The following TMEM183A variants were observed in gnomAD, a reference collection of about 807,000 sequenced individuals.
TMEM183A encodes chromosome 1 open reading frame 37.
A neutral mutation model predicts 46.7 loss-of-function variants in TMEM183A; 21 were observed. The observed-to-expected ratio is 0.45, with a 90% confidence interval of 0.32 to 0.65. The LOEUF (loss-of-function observed/expected upper bound fraction) is 0.65, where lower values mean the gene tolerates loss of function less well. TMEM183A is among the 30% of genes least tolerant of loss of function. The probability of loss-of-function intolerance (pLI) is 0.04; values close to 1 mark genes in which losing one functional copy is unlikely to be tolerated. For missense variants in TMEM183A, 331 were observed against 481.9 expected (o/e 0.69, Z 2.93); for synonymous variants, 165 against 180.2 (o/e 0.92, Z 0.68).
intron 7 of TMEM183A, among the ~76,000 whole-genome samples, chr1:203,021,995 T>C (rs1458091201): frequency 6.6e-6 from 1 of 152,236 alleles, no homozygotes; most frequent in Non-Finnish European, 1.5e-5. Flanking sequence ...TCTCTTAATG[T>C]GTCTGTTAAT....
In TMEM183A at chr1:203,024,653, A is replaced by C. The variant is rs1016445621; in HGVS notation, c.*1613A>C. Reference sequence around the variant, plus strand: ...AATTTGGGCATTTGAGTGATAACAGACAACCTAAGGACAATGAGCACTTTG... The same window carrying C: ...AATTTGGGCATTTGAGTGATAACAGCCAACCTAAGGACAATGAGCACTTTG... On this transcript the variant is annotated 3_prime_UTR_variant, in exon 8 of 8. Coordinates refer to ENST00000367242, the MANE Select transcript of TMEM183A (RefSeq NM_138391.6). The C allele has an allele frequency of 2.6e-5, 4 of 152,176 alleles. No individual in the cohort carries two copies. Among genetic ancestry groups the C allele is most frequent in the Non-Finnish European group, 5.9e-5 (4 of 68,042 alleles). 9.4% of individuals were successfully genotyped at this position (152,176 alleles called of 1,614,324 possible).
intron 3 of TMEM183A, among the ~76,000 whole-genome samples, chr1:203,012,148 T>TCCATCA (rs1553249434): frequency 1.3e-5 from 1 of 79,400 alleles, no homozygotes; most frequent in African/African-American, 5.0e-5. Flanking sequence ...CCCCACTCCA[T>TCCATCA]CACACACACA....
intron 6 of TMEM183A, among the ~76,000 whole-genome samples, chr1:203,019,416 T>G (rs962910675): frequency 1.3e-5 from 2 of 152,180 alleles, no homozygotes; most frequent in African/African-American, 2.4e-5. Flanking sequence ...GAAATCAGAA[T>G]GTGCTATGGA....
chr1:203,009,437 T>G (rs1195556932), intron 3 of TMEM183A, among the ~76,000 whole-genome samples: 2 of 152,234 alleles, frequency 1.3e-5, no homozygotes, highest in Non-Finnish European at 2.9e-5. Context: ...GGGTTTTCCT[T>G]CAGACTTAAT....
chr1:203,010,376 T>C (rs1386604919), intron 3 of TMEM183A, among the ~76,000 whole-genome samples: 1 of 152,198 alleles, frequency 6.6e-6, no homozygotes, highest in Non-Finnish European at 1.5e-5. Flanking sequence ...ATTCCAAATC[T>C]GAAAAGCTCC....
chr1:203,016,177 C>T (rs1167949422), intron 5 of TMEM183A, 37 bp downstream of exon 5: 1 of 1,613,296 alleles, frequency 6.2e-7, no homozygotes, highest in Non-Finnish European at 8.5e-7. Context: ...GACTAATGAA[C>T]TCTTGTATGG....
chr1:203,009,094 A>G (rs1656298902), intron 3 of TMEM183A, among the ~76,000 whole-genome samples: 4 of 152,198 alleles, frequency 2.6e-5, no homozygotes, highest in Admixed American at 2.6e-4. Flanking sequence ...ACATGTTATT[A>G]TCAGGTAAAA....
intron 3 of TMEM183A, among the ~76,000 whole-genome samples, chr1:203,010,628 C>A (rs1472891403): frequency 6.6e-6 from 1 of 152,210 alleles, no homozygotes; most frequent in Non-Finnish European, 1.5e-5. Context: ...GAAATCGCTA[C>A]TTATCACCAT....
intron 3 of TMEM183A, among the ~76,000 whole-genome samples, chr1:203,012,235 T>TCACACACACA (rs56743654): frequency 0.038 from 3,104 of 80,798 alleles, 277 homozygotes; most frequent in South Asian, 0.049. Context: ...CCCCACTCCA[T>TCACACACACA]CACACACACA....
At chr1:203,018,633 C>A in intron 6 of TMEM183A, 72 bp downstream of exon 6, 1 of 1,515,992 alleles carries the variant, frequency 6.6e-7, no homozygotes, top group Non-Finnish European at 9.1e-7. Flanking sequence ...CTTTCTTAGT[C>A]TGTTTGTGTT....
At chr1:203,017,198 C>T (rs969922528) in intron 5 of TMEM183A, among the ~76,000 whole-genome samples, 1 of 152,034 alleles carries the variant, frequency 6.6e-6, no homozygotes, top group Non-Finnish European at 1.5e-5. Flanking sequence ...TTTCACCCAG[C>T]AGCTGCTTCT....
At chr1:203,015,861 G>A in intron 4 of TMEM183A, 99 bp from the exon 5 acceptor site, 1 of 1,455,528 alleles carries the variant, frequency 6.9e-7, no homozygotes, top group South Asian at 1.3e-5. Context: ...CAGTGGAATA[G>A]TGCAGTAAAG....
Position 203,023,086 on chromosome 1 carries a change from A to T in TMEM183A, c.*46A>T. ...GGGGCAGCCTCGAGTGTAGTCCATT[A>T]GTAATCAGATTCCAGTTTGGACAGG... is the stretch of plus-strand genomic sequence containing the variant. On this transcript the variant is annotated 3_prime_UTR_variant, in exon 8 of 8. Coordinates refer to ENST00000367242, the MANE Select transcript of TMEM183A (RefSeq NM_138391.6). 3.5e-6 allele frequency: 4 copies of T among 1,136,410 alleles called. No homozygotes were observed. Among genetic ancestry groups the T allele is most frequent in the Non-Finnish European group, 5.0e-6 (4 of 800,896 alleles). The allele number at this position is 1,136,410 out of a possible 1,614,324, so 70.4% of individuals were successfully genotyped here.
intron 5 of TMEM183A, among the ~76,000 whole-genome samples, chr1:203,016,762 C>T (rs1657203342): frequency 6.6e-6 from 1 of 152,084 alleles, no homozygotes; most frequent in African/African-American, 2.4e-5. Flanking sequence ...TCAGGATTTC[C>T]CTGATATTTT....
intron 3 of TMEM183A, among the ~76,000 whole-genome samples, chr1:203,012,752 C>T (rs1394276828): frequency 1.3e-5 from 2 of 152,138 alleles, no homozygotes; most frequent in Admixed American, 6.5e-5. Context: ...TGTTTTGAGA[C>T]AGGGACTCAC....
chr1:203,016,055 A>G lies in TMEM183A; in HGVS notation c.623A>G (p.Tyr208Cys). Residue 208 changes from tyrosine (Y) to cysteine (C), a missense_variant, in exon 5 of 8, where the codon TAC (tyrosine) becomes TGC (cysteine). Coordinates refer to ENST00000367242, the MANE Select transcript of TMEM183A (RefSeq NM_138391.6). ...CGGGCTTGTGTGATCCGATCTCTGTACCATATGTATGAGCCATTTGCTGCT... is the reference window on the plus strand; with the variant it reads ...CGGGCTTGTGTGATCCGATCTCTGTGCCATATGTATGAGCCATTTGCTGCT... ...CLRACVIRSL[Y>C]HMYEPFAARI... is the part of the protein sequence containing the mutation. 3.1e-6 allele frequency: 5 copies of G among 1,614,156 alleles called. No homozygotes were observed. The highest frequency in any genetic ancestry group is 4.2e-6 in the Non-Finnish European group (5 of 1,179,996).
chr1:203,020,295 G>GA lies in TMEM183A; in HGVS notation c.790-497dup, dbSNP rs1571622955. ...GTCCACCTTTCTGAGAAGGGATTGA[G>GA]AGGCAGTCTTAGTGGTGAAATGTGA... On this transcript the variant is annotated intron_variant, in intron 6 of 7. Transcript: ENST00000367242. Among the ~76,000 whole-genome samples, 3 of 152,300 alleles carry GA rather than the reference G, an allele frequency of 2.0e-5. No individual in the cohort carries two copies. The East Asian group carries it at 5.8e-4, about 29-fold the overall frequency.
Position 203,023,080 on chromosome 1 carries a change from T to C in TMEM183A, c.*40T>C. ...CCCTTGGGGGCAGCCTCGAGTGTAGTCCATTAGTAATCAGATTCCAGTTTG... is the reference window on the plus strand; with the variant it reads ...CCCTTGGGGGCAGCCTCGAGTGTAGCCCATTAGTAATCAGATTCCAGTTTG... On this transcript the variant is annotated 3_prime_UTR_variant, in exon 8 of 8. Coordinates refer to ENST00000367242, the MANE Select transcript of TMEM183A (RefSeq NM_138391.6). 8.3e-7 allele frequency: 1 copy of C among 1,198,148 alleles called. No individual in the cohort carries two copies. The highest frequency in any genetic ancestry group is 1.2e-6 in the Non-Finnish European group (1 of 852,560). The allele number at this position is 1,198,148 out of a possible 1,614,324, so 74.2% of individuals were successfully genotyped here.
rs1323582434 is a variant in TMEM183A, at chr1:203,024,385, G to GT, written c.*1346dup. The GT allele has an allele frequency of 6.6e-6, 1 of 152,034 alleles. No homozygotes were observed. Among genetic ancestry groups the GT allele is most frequent in the Non-Finnish European group, 1.5e-5 (1 of 68,036 alleles). The allele number at this position is 152,034 out of a possible 1,614,324, so 9.4% of individuals were successfully genotyped here. A position where few individuals can be genotyped will look rare whatever the true frequency, so the allele number is the denominator to read the frequency against. On this transcript the variant is annotated 3_prime_UTR_variant, in exon 8 of 8. Coordinates refer to ENST00000367242, the MANE Select transcript of TMEM183A (RefSeq NM_138391.6). ...ACCCTCCACCATCCAAAATTAACCA[G>GT]TGAGCTGGATATTACCTGGATATTG...
Sources: allele counts gnomAD v4.1 joint callset (sites outside exome capture counted in the v4.1 genomes callset), GRCh38; gene constraint gnomAD v4.1.1; transcripts MANE v1.5; gene names NCBI Gene and HGNC (gene_info 2026-07-23, HGNC 2026-07-21).